TENM2: variants seen among roughly 807,000 people sequenced by gnomAD.
TENM2 encodes the protein teneurin-2.
A neutral mutation model predicts 245.2 loss-of-function variants in TENM2; 52 were observed. That is an observed-to-expected ratio of 0.21 (90% CI 0.17 to 0.27). The LOEUF (loss-of-function observed/expected upper bound fraction) is 0.27. Ranked by LOEUF, TENM2 falls within the 10% of genes least tolerant of loss-of-function variation. TENM2 has a pLI of 1.00. For synonymous variants in TENM2, 1,363 were observed against 1,438.9 expected (o/e 0.95, Z 1.19); for missense variants, 3,046 against 3,666.8 (o/e 0.83, Z 4.37).
At chr5:167,153,647 T>C in the TENM2 span, among the ~76,000 whole-genome samples, 1 of 151,424 alleles carries the variant, frequency 6.6e-6, no homozygotes, top group African/African-American at 2.4e-5. Context: ...ATATTTCCTT[T>C]AGCTGTGATA....
chr5:167,932,107 G>T (rs558943394), intron 3 of TENM2, among the ~76,000 whole-genome samples: 5 of 152,320 alleles, frequency 3.3e-5, no homozygotes, highest in African/African-American at 9.6e-5. Flanking sequence ...GACTGCAGGT[G>T]CAGGAGGGGG....
chr5:168,247,953 C>G lies in TENM2; in HGVS notation c.7014C>G (p.His2338Gln). The change falls in exon 27 of 29, where the codon CAC (histidine) becomes CAG (glutamine). Residue 2338 changes from histidine to glutamine, a missense_variant. Physicochemically the swap from His to Gln is conservative, Grantham distance 24 (BLOSUM62 0). Transcript: ENST00000518659. This position sits in a 1 kb window ranked among gnomAD's most constrained non-coding sequence, Gnocchi z 7.8. ...CGCGCATCACCCATGTCTACAATCA[C>G]TCCAACTCGGAGATTACCTCACTGT... The G allele has an allele frequency of 6.2e-7, 1 of 1,613,990 alleles. No individual in the cohort carries two copies.
At chr5:167,892,140 A>C (rs901949725) in intron 3 of TENM2, among the ~76,000 whole-genome samples, 1 of 152,238 alleles carries the variant, frequency 6.6e-6, no homozygotes, top group Non-Finnish European at 1.5e-5. Context: ...ACAACATTTC[A>C]TGAGAAGAAA....
intron 1 of TENM2, among the ~76,000 whole-genome samples, chr5:167,343,195 T>G (rs751475207): frequency 3.3e-5 from 5 of 152,192 alleles, no homozygotes; most frequent in Non-Finnish European, 7.3e-5. Context: ...TTGCTTTTTG[T>G]TTTAAGCACT....
At chr5:167,117,669 A>C in the TENM2 span, among the ~76,000 whole-genome samples, 1 of 152,188 alleles carries the variant, frequency 6.6e-6, no homozygotes, top group Non-Finnish European at 1.5e-5. Context: ...TTTAGAGGTC[A>C]TCACCTACAG....
chr5:167,875,041 G>C (rs984215243), intron 2 of TENM2, among the ~76,000 whole-genome samples: 1 of 152,062 alleles, frequency 6.6e-6, no homozygotes, highest in East Asian at 1.9e-4. Context: ...CCTTATTTTT[G>C]GTCATTCATT....
rs548639826 is a variant in TENM2, at chr5:167,696,205, T to A, written c.503-179781T>A. 3.9e-5 allele frequency among the ~76,000 whole-genome samples: 6 copies of A among 152,290 alleles called. No individual in the cohort carries two copies. In the South Asian group the frequency reaches 1.2e-3, roughly 32 times the overall value. On this transcript the variant is annotated intron_variant, in intron 2 of 28. Transcript: ENST00000518659. ...TCTGCTGTCCAGGTTTGATTACCTG[T>A]GAGTGTTTTTTCCTTGGGAGGAATA...
chr5:168,002,722 T>C (rs1351572515), intron 5 of TENM2, among the ~76,000 whole-genome samples: 1 of 152,226 alleles, frequency 6.6e-6, no homozygotes, highest in Non-Finnish European at 1.5e-5. Flanking sequence ...GTGAAGAAAA[T>C]ATTTGTTACT....
At chr5:167,878,749 G>A (rs1383209814) in intron 3 of TENM2, among the ~76,000 whole-genome samples, 1 of 152,178 alleles carries the variant, frequency 6.6e-6, no homozygotes, top group Non-Finnish European at 1.5e-5. Flanking sequence ...CTATGTCTGA[G>A]TGTTTTGAAC....
At chr5:167,471,902 G>GTA (rs952037022) in intron 2 of TENM2, among the ~76,000 whole-genome samples, 2 of 152,212 alleles carry the variant, frequency 1.3e-5, no homozygotes, top group African/African-American at 4.8e-5. Context: ...TGGCAGTGTG[G>GTA]TATAAGGTAA....
chr5:168,194,385 C>A (rs1030840769), intron 14 of TENM2, among the ~76,000 whole-genome samples: 46 of 152,176 alleles, frequency 3.0e-4, no homozygotes. Flanking sequence ...TGGTTGGAAA[C>A]CGGGATTTGT....
chr5:167,005,869 T>A, the TENM2 span, among the ~76,000 whole-genome samples: 1 of 151,754 alleles, frequency 6.6e-6, no homozygotes, highest in African/African-American at 2.4e-5. Context: ...ACCATGTTGG[T>A]CAGGCAGGTC....
At chr5:167,349,474 T>C (rs1758683006) in intron 1 of TENM2, among the ~76,000 whole-genome samples, 1 of 152,234 alleles carries the variant, frequency 6.6e-6, no homozygotes, top group Non-Finnish European at 1.5e-5. Context: ...GAGAGTGAGC[T>C]AATTGTGGAT....
At chr5:167,064,341 A>G in the TENM2 span, among the ~76,000 whole-genome samples, 1 of 152,218 alleles carries the variant, frequency 6.6e-6, no homozygotes, top group African/African-American at 2.4e-5. Flanking sequence ...TTAAAGTGAA[A>G]AGGGTACATT....
chr5:168,039,895 C>G (rs1017398727), intron 5 of TENM2, among the ~76,000 whole-genome samples: 7 of 152,008 alleles, frequency 4.6e-5, no homozygotes, highest in African/African-American at 1.7e-4. Context: ...TTCCAGGAGA[C>G]AAGGGGAGGG....
chr5:168,214,998 A>G lies in TENM2; in HGVS notation c.3846-42A>G, dbSNP rs368286268. On this transcript the variant is annotated intron_variant, in intron 20 of 28. Coordinates refer to ENST00000518659, the Ensembl canonical transcript of TENM2. Reference sequence around the variant, plus strand: ...TCCTTTGATCTAGGAGGCCAGCTCCATAGCCCCCTCCTCATTTCTCTTTGT... The same window carrying G: ...TCCTTTGATCTAGGAGGCCAGCTCCGTAGCCCCCTCCTCATTTCTCTTTGT... 2.4e-4 allele frequency: 369 copies of G among 1,561,126 alleles called. 1 individual carries two copies. In the African/African-American group the frequency reaches 4.8e-3, roughly 20 times the overall value.
At chr5:168,111,499 C>T (rs148520421) in intron 9 of TENM2, among the ~76,000 whole-genome samples, 3 of 152,266 alleles carry the variant, frequency 2.0e-5, no homozygotes, top group African/African-American at 7.2e-5. Flanking sequence ...GTGATCTTTG[C>T]ATTTGTATTT....
At chr5:166,979,032 C>A in the TENM2 span, among the ~76,000 whole-genome samples, 1 of 151,794 alleles carries the variant, frequency 6.6e-6, no homozygotes. Flanking sequence ...CGCGTGTGTG[C>A]GCGCGAGAGC....
chr5:167,519,118 C>T (rs1389672921), intron 2 of TENM2, among the ~76,000 whole-genome samples: 2 of 152,128 alleles, frequency 1.3e-5, no homozygotes, highest in Non-Finnish European at 2.9e-5. Flanking sequence ...AGTAATTTCT[C>T]TGTTCTGACA....
Sources: gnomAD v4.1 joint callset for allele counts (sites outside exome capture counted in the v4.1 genomes callset) on GRCh38, gnomAD v4.1.1 for gene constraint, Gnocchi (gnomAD v3.1) non-coding constraint, MANE v1.5 for transcripts, NCBI Gene and HGNC (gene_info 2026-07-23, HGNC 2026-07-21) for gene names.